LRRC18: variants seen among roughly 807,000 people sequenced by gnomAD.
The protein encoded by LRRC18 is leucine rich repeat containing 18.
In LRRC18, 12 loss-of-function variants were observed where a neutral mutation model predicts 11.2. That is an observed-to-expected ratio of 1.07 (90% confidence interval 0.69 to 1.74). LRRC18 has a LOEUF of 1.74. Among genes scored for constraint, LRRC18 ranks in the 40% most tolerant of loss-of-function variants. LRRC18 has a pLI of 0.00. For synonymous variants in LRRC18, 155 were observed against 130.6 expected (o/e 1.19, Z -1.27); for missense variants, 374 against 330.5 (o/e 1.13, Z -1.02).
the LRRC18 span, among the ~76,000 whole-genome samples, chr10:48,936,989 G>A: frequency 1.3e-5 from 2 of 151,580 alleles, no homozygotes; most frequent in East Asian, 2.0e-4. Flanking sequence ...GCACGACCTC[G>A]GCTCACTGCA....
the LRRC18 span, among the ~76,000 whole-genome samples, chr10:48,927,497 C>G: frequency 1.3e-5 from 2 of 152,178 alleles, no homozygotes; most frequent in Non-Finnish European, 2.9e-5. Flanking sequence ...TGTAAAGTAG[C>G]AAATGGAGTG....
exon 1 of LRRC18, chr10:48,913,463 T>A (rs757070761): frequency 6.2e-7 from 1 of 1,612,178 alleles, no homozygotes; most frequent in African/African-American, 1.3e-5. Flanking sequence ...TCTTTCTCGG[T>A]GTCGTCGTGG....
chr10:48,930,399 C>CA, the LRRC18 span, among the ~76,000 whole-genome samples: 55 of 152,308 alleles, frequency 3.6e-4, no homozygotes, highest in African/African-American at 9.4e-4. Flanking sequence ...CAAATAGACA[C>CA]AGATGATGGC....
chr10:48,935,077 C>G, the LRRC18 span: 2 of 152,230 alleles, frequency 1.3e-5, no homozygotes, highest in African/African-American at 4.8e-5. Context: ...GCTGCTTACT[C>G]AAAGGAGGGG....
exon 1 of LRRC18, chr10:48,913,838 G>C (rs768587114): frequency 6.2e-7 from 1 of 1,614,104 alleles, no homozygotes; most frequent in South Asian, 1.1e-5. Context: ...TGGTCAGCCG[G>C]TTGTTGCTGA....
At chr10:48,922,199 T>C in the LRRC18 span, among the ~76,000 whole-genome samples, 4,830 of 152,318 alleles carry the variant, frequency 0.032, 145 homozygotes, top group African/African-American at 0.074. Context: ...TTCATACATT[T>C]TGAATTGCTC....
intron 1 of LRRC18, among the ~76,000 whole-genome samples, chr10:48,911,989 T>C (rs1395898855): frequency 6.6e-6 from 1 of 152,220 alleles, no homozygotes; most frequent in Non-Finnish European, 1.5e-5. Flanking sequence ...ACTTCACTGA[T>C]GGATGCCTCT....
chr10:48,927,829 TGGATGTAC>T, the LRRC18 span, among the ~76,000 whole-genome samples: 8 of 152,354 alleles, frequency 5.3e-5, no homozygotes, highest in African/African-American at 1.9e-4. Flanking sequence ...TTTGTAATTC[TGGATGTAC>T]TCTGTTTTAA....
intron 1 of LRRC18, 143 bp from the exon 4 acceptor site, chr10:48,910,401 A>G: frequency 2.7e-6 from 2 of 737,468 alleles, no homozygotes; most frequent in South Asian, 3.1e-5. Context: ...GTTTTGTTGT[A>G]TTTGAGGAAA....
the LRRC18 span, among the ~76,000 whole-genome samples, chr10:48,921,397 T>C: frequency 1.3e-5 from 2 of 152,166 alleles, no homozygotes; most frequent in Admixed American, 6.5e-5. Flanking sequence ...ACAAACGATG[T>C]TGAAATTGGT....
chr10:48,922,007 C>T, the LRRC18 span, among the ~76,000 whole-genome samples: 329 of 152,250 alleles, frequency 2.2e-3, 1 homozygote, highest in African/African-American at 7.7e-3. Flanking sequence ...CATACTGAAA[C>T]CTGTTCACAG....
the LRRC18 span, among the ~76,000 whole-genome samples, chr10:48,927,944 C>A: frequency 6.6e-6 from 1 of 152,156 alleles, no homozygotes; most frequent in East Asian, 1.9e-4. Context: ...CCTTGTTCAT[C>A]CACCCTATGT....
At chr10:48,930,888 G>T in the LRRC18 span, among the ~76,000 whole-genome samples, 1 of 152,084 alleles carries the variant, frequency 6.6e-6, no homozygotes, top group Admixed American at 6.5e-5. Flanking sequence ...GTGTTCTCTG[G>T]CACACATGCA....
the LRRC18 span, among the ~76,000 whole-genome samples, chr10:48,925,637 G>T: frequency 2.0e-5 from 3 of 152,230 alleles, no homozygotes; most frequent in Non-Finnish European, 2.9e-5. Context: ...GAAAGGGACA[G>T]ATTAGAGGTG....
chr10:48,937,444 G>A, the LRRC18 span, among the ~76,000 whole-genome samples: 1 of 152,280 alleles, frequency 6.6e-6, no homozygotes, highest in African/African-American at 2.4e-5. Context: ...CAGCGTGTCG[G>A]TGTTTATGCT....
In LRRC18 at chr10:48,913,509, T is replaced by C. The variant is rs533050061; in HGVS notation, c.647A>G (p.Asn216Ser). ...GATTCTATTCAGGTTGTCCCGGGCG[T>C]TTTGGCATTTTCTCAGGCAAGCCGC... Residue 216 changes from asparagine to serine, a missense_variant, in exon 1 of 2, where the codon AAC becomes AGC. Transcript: ENST00000374160. 9.9e-4 allele frequency: 1,591 copies of C among 1,613,702 alleles called. 29 individuals are homozygous for C. The South Asian group carries it at 0.016, about 16-fold the overall frequency.
the LRRC18 span, among the ~76,000 whole-genome samples, chr10:48,935,467 C>T: frequency 1.3e-5 from 2 of 152,224 alleles, no homozygotes; most frequent in African/African-American, 4.8e-5. Flanking sequence ...ATGGCAACGG[C>T]CAAGCGGATG....
At chr10:48,928,016 C>G in the LRRC18 span, among the ~76,000 whole-genome samples, 18 of 152,292 alleles carry the variant, frequency 1.2e-4, no homozygotes, top group Admixed American at 1.1e-3. Flanking sequence ...CAGACCTGGC[C>G]CCTTTGAAGC....
At chr10:48,927,412 T>A in the LRRC18 span, among the ~76,000 whole-genome samples, 1 of 152,206 alleles carries the variant, frequency 6.6e-6, no homozygotes, top group Non-Finnish European at 1.5e-5. Context: ...TTGTCCAGGC[T>A]CACACAGCTG....
Sources: gnomAD v4.1 joint callset for allele counts (sites outside exome capture counted in the v4.1 genomes callset) on GRCh38, gnomAD v4.1.1 for gene constraint, MANE v1.5 for transcripts, NCBI Gene and HGNC (gene_info 2026-07-23, HGNC 2026-07-21) for gene names.